The following ROR2 variants were observed in gnomAD, a reference collection of about 807,000 sequenced individuals.
The protein encoded by ROR2 is tyrosine-protein kinase transmembrane receptor ROR2.
Under a neutral mutation model 74.9 loss-of-function variants are expected in ROR2, and 33 were observed. That is an observed-to-expected ratio of 0.44 (90% CI 0.33 to 0.59). ROR2 has a LOEUF of 0.59. Ranked by LOEUF, ROR2 falls within the 20% of genes least tolerant of loss-of-function variation. The pLI, the probability that ROR2 is intolerant of heterozygous loss-of-function variation, is 0.02. For missense variants in ROR2, 1,216 were observed against 1,313.8 expected, an observed-to-expected ratio of 0.93 and a Z score of 1.15; for synonymous variants, 586 against 558.7, an observed-to-expected ratio of 1.05 and a Z score of -0.69.
At chr9:91,759,691 C>G (rs1825856124) in intron 2 of ROR2, among the ~76,000 whole-genome samples, 1 of 152,128 alleles carries the variant, frequency 6.6e-6, no homozygotes. Flanking sequence ...TCACTGTGTT[C>G]TGGCCAGACT....
intron 1 of ROR2, among the ~76,000 whole-genome samples, chr9:91,878,337 G>A (rs1022782368): frequency 1.7e-4 from 26 of 152,154 alleles, no homozygotes; most frequent in Non-Finnish European, 3.1e-4. Flanking sequence ...TCCACCTGGT[G>A]AGGATGATTC....
intron 2 of ROR2, among the ~76,000 whole-genome samples, chr9:91,758,789 ATGTGTGGTGTT>A (rs1355214112): frequency 6.6e-6 from 1 of 152,206 alleles, no homozygotes; most frequent in Non-Finnish European, 1.5e-5. Context: ...GTGAGTATGC[ATGTGTGGTGTT>A]TGTGTGGTGC....
intron 1 of ROR2, among the ~76,000 whole-genome samples, chr9:91,820,872 C>T (rs894320342): frequency 6.6e-6 from 1 of 152,080 alleles, no homozygotes; most frequent in African/African-American, 2.4e-5. Flanking sequence ...GAGGCCAAGG[C>T]GGGTGGATCA....
At chr9:91,935,871 G>A (rs1177909734) in intron 1 of ROR2, among the ~76,000 whole-genome samples, 2 of 152,232 alleles carry the variant, frequency 1.3e-5, no homozygotes, top group African/African-American at 4.8e-5. Flanking sequence ...CAGAGAGAAG[G>A]CCTTGGACAC....
intron 2 of ROR2, among the ~76,000 whole-genome samples, chr9:91,760,751 A>C (rs1424043165): frequency 6.6e-6 from 1 of 152,204 alleles, no homozygotes; most frequent in Non-Finnish European, 1.5e-5. Flanking sequence ...CCATTTTAAA[A>C]GTAGGACTTT....
rs770921333 is a variant in ROR2, at chr9:91,724,050, G to A, written c.2444C>T (p.Pro815Leu). 16 of 1,610,976 alleles carry A rather than the reference G, an allele frequency of 9.9e-6. No homozygotes were observed. In the African/African-American group the frequency reaches 1.2e-4, roughly 12 times the overall value. ...GCCGTTGACGGGGACGTAGAGCTGC[G>A]GCGGGGGCACCATGGGTCTGATCTG... ...KGQIRPMVPPPQLYVPVNGYQ... is the reference protein window; with the variant it reads ...KGQIRPMVPPLQLYVPVNGYQ... The change falls in exon 9 of 9, where the codon CCG (proline) becomes CTG (leucine). Residue 815 changes from proline to leucine, a missense_variant. Pro to Leu is a moderately conservative substitution (Grantham distance 98, BLOSUM62 -3). Coordinates refer to ENST00000375708, the MANE Select transcript of ROR2 (RefSeq NM_004560.4).
intron 1 of ROR2, among the ~76,000 whole-genome samples, chr9:91,808,289 T>G (rs937705364): frequency 5.9e-5 from 9 of 152,190 alleles, no homozygotes; most frequent in African/African-American, 2.2e-4. Context: ...ATGTGGTTGA[T>G]GTGAGAAACA....
chr9:91,837,152 TG>T lies in ROR2; in HGVS notation c.98-61335del, dbSNP rs1220290288. Among the ~76,000 whole-genome samples, 6 of 147,380 alleles carry T rather than the reference TG, an allele frequency of 4.1e-5. 1 individual carries two copies. Among genetic ancestry groups the T allele is most frequent in the South Asian group, 4.2e-4 (2 of 4,764 alleles). ...CTGCATTGCTTACTGTTTTTTTTTTTGTTGTTGTTGTTGTTTTTTGAGATGG... is the reference window on the plus strand; with the variant it reads ...CTGCATTGCTTACTGTTTTTTTTTTTTTGTTGTTGTTGTTTTTTGAGATGG... On this transcript the variant is annotated intron_variant, in intron 1 of 8. Coordinates refer to ENST00000375708, the MANE Select transcript of ROR2 (RefSeq NM_004560.4).
At chr9:91,899,171 C>T (rs983903852) in intron 1 of ROR2, among the ~76,000 whole-genome samples, 5 of 152,190 alleles carry the variant, frequency 3.3e-5, no homozygotes, top group Non-Finnish European at 7.3e-5. Flanking sequence ...AAAGGGCCCC[C>T]AGGGGGTGCG....
chr9:91,886,094 C>G (rs6479380), intron 1 of ROR2, among the ~76,000 whole-genome samples: 2 of 151,982 alleles, frequency 1.3e-5, no homozygotes, highest in Non-Finnish European at 2.9e-5. Context: ...AGGCTCGTCT[C>G]GAACTCCTGA....
chr9:91,767,099 G>A (rs1386385557), intron 2 of ROR2, among the ~76,000 whole-genome samples: 5 of 148,526 alleles, frequency 3.4e-5, no homozygotes, highest in Admixed American at 6.9e-5. Context: ...TTTTTGAGGC[G>A]GAGGCTCGCT....
intron 1 of ROR2, among the ~76,000 whole-genome samples, chr9:91,897,617 G>C (rs1319153919): frequency 6.6e-6 from 1 of 152,124 alleles, no homozygotes; most frequent in Admixed American, 6.5e-5. Context: ...GTGTGAAGGC[G>C]AGCCTAAGAT....
chr9:91,856,786 T>TG (rs1238195809), intron 1 of ROR2, among the ~76,000 whole-genome samples: 1 of 152,234 alleles, frequency 6.6e-6, no homozygotes, highest in East Asian at 1.9e-4. Flanking sequence ...CCTAAACAGA[T>TG]GGCCCATAAC....
At chr9:91,879,311 T>C (rs1000989895) in intron 1 of ROR2, among the ~76,000 whole-genome samples, 5 of 152,330 alleles carry the variant, frequency 3.3e-5, no homozygotes, top group Admixed American at 3.3e-4. Flanking sequence ...GATGTCCTTA[T>C]AATGTTAAAG....
At chr9:91,807,956 C>T (rs78041381) in intron 1 of ROR2, among the ~76,000 whole-genome samples, 3,738 of 152,202 alleles carry the variant, frequency 0.025, 90 homozygotes, top group South Asian at 0.044. Context: ...AAGACTTGTG[C>T]TCACCCAGGG....
In ROR2 at chr9:91,722,908, T is replaced by C; in HGVS notation, c.*754A>G. 3 of 385,976 alleles carry C rather than the reference T, an allele frequency of 7.8e-6. No individual in the cohort carries two copies. The highest frequency in any genetic ancestry group is 9.6e-6 in the Non-Finnish European group (2 of 207,962). The allele number at this position is 385,976 out of a possible 1,614,324, so 23.9% of individuals were successfully genotyped here. Reference sequence around the variant, plus strand: ...ATTCTTAACAAAAATAACAATACCGTGTTCTGTACAATACTGCTTCCTCTG... The same window carrying C: ...ATTCTTAACAAAAATAACAATACCGCGTTCTGTACAATACTGCTTCCTCTG... On this transcript the variant is annotated 3_prime_UTR_variant, in exon 9 of 9. Transcript: ENST00000375708.
rs775860567 is a variant in ROR2 at position 91,724,947 on chromosome 9, G to T, written c.1547C>A (p.Pro516His). Reference sequence around the variant, plus strand: ...CTCATGCCGGAACTCCTCCCGCAGGGGCCCCTCCGCTTTGTCCTTCAGCGT... The same window carrying T: ...CTCATGCCGGAACTCCTCCCGCAGGTGCCCCTCCGCTTTGTCCTTCAGCGT... ...IKTLKDKAEGPLREEFRHEAM... is the reference protein window; with the variant it reads ...IKTLKDKAEGHLREEFRHEAM... Residue 516 changes from proline (P) to histidine (H), a missense_variant, in exon 9 of 9, where the codon CCC becomes CAC. Coordinates refer to ENST00000375708, the MANE Select transcript of ROR2 (RefSeq NM_004560.4). 1 of 1,613,256 alleles carries T rather than the reference G, an allele frequency of 6.2e-7. No individual in the cohort carries two copies. The highest frequency in any genetic ancestry group is 1.7e-5 in the Admixed American group (1 of 60,008).
chr9:91,882,624 G>A (rs1830148079), intron 1 of ROR2, among the ~76,000 whole-genome samples: 1 of 152,178 alleles, frequency 6.6e-6, no homozygotes, highest in African/African-American at 2.4e-5. Context: ...CTCCAAAATT[G>A]TACCTTAAAA....
At chr9:91,863,528 A>G (rs942422995) in intron 1 of ROR2, among the ~76,000 whole-genome samples, 1 of 152,086 alleles carries the variant, frequency 6.6e-6, no homozygotes, top group African/African-American at 2.4e-5. Context: ...AAGAAAACAA[A>G]AACAAAAACA....
Sources: gnomAD v4.1 joint callset for allele counts (sites outside exome capture counted in the v4.1 genomes callset) on GRCh38, gnomAD v4.1.1 for gene constraint, MANE v1.5 for transcripts, NCBI Gene and HGNC (gene_info 2026-07-23, HGNC 2026-07-21) for gene names.